The following HYCC2 variants were observed in gnomAD, a reference collection of about 807,000 sequenced individuals.
The protein encoded by HYCC2 is hyccin PI4KA lipid kinase complex subunit 2, also known as hyccin 2.
the HYCC2 span, among the ~76,000 whole-genome samples, chr2:201,007,912 T>C: frequency 6.6e-6 from 1 of 152,232 alleles, no homozygotes; most frequent in Non-Finnish European, 1.5e-5. Flanking sequence ...CTGTCATGCA[T>C]TGATGCCAGG....
At chr2:200,986,503 C>G in the HYCC2 span, among the ~76,000 whole-genome samples, 1 of 151,992 alleles carries the variant, frequency 6.6e-6, no homozygotes, top group Non-Finnish European at 1.5e-5. Context: ...AAAATTCCTA[C>G]GGCATTACAT....
the HYCC2 span, chr2:200,987,396 C>T: frequency 5.1e-5 from 66 of 1,289,710 alleles, no homozygotes; most frequent in South Asian, 6.0e-4. Flanking sequence ...AGTTGGGCTC[C>T]GGCGAGCCAT....
At chr2:201,045,518 A>G in the HYCC2 span, 1 of 398,238 alleles carries the variant, frequency 2.5e-6, no homozygotes, top group Non-Finnish European at 4.4e-6. Flanking sequence ...CAGTTTTCTA[A>G]AGGAGGAGGT....
the HYCC2 span, chr2:201,023,953 A>G: frequency 4.3e-6 from 7 of 1,609,690 alleles, no homozygotes; most frequent in South Asian, 4.4e-5. Context: ...CTCCAATCCA[A>G]TTTACCTTGA....
the HYCC2 span, chr2:200,980,506 A>G: frequency 1.3e-5 from 2 of 152,602 alleles, no homozygotes; most frequent in African/African-American, 2.4e-5. Flanking sequence ...AAATGACCTT[A>G]TATGTCCTTG....
At chr2:201,019,623 C>A in the HYCC2 span, among the ~76,000 whole-genome samples, 1 of 151,836 alleles carries the variant, frequency 6.6e-6, no homozygotes, top group Non-Finnish European at 1.5e-5. Context: ...TGTGGTGGCA[C>A]GCACCTGGGT....
the HYCC2 span, among the ~76,000 whole-genome samples, chr2:201,023,231 C>T: frequency 4.6e-5 from 7 of 152,112 alleles, no homozygotes; most frequent in East Asian, 1.4e-3. Context: ...TGCCTGTAAT[C>T]CCAGCTACTC....
chr2:201,023,845 A>G, the HYCC2 span: 2 of 756,574 alleles, frequency 2.6e-6, no homozygotes, highest in South Asian at 4.0e-5. Flanking sequence ...ACTTCCTACC[A>G]TATTTTTATG....
the HYCC2 span, among the ~76,000 whole-genome samples, chr2:201,068,946 G>A: frequency 3.3e-5 from 5 of 152,004 alleles, no homozygotes; most frequent in Admixed American, 6.5e-5. Flanking sequence ...AGCCACAGAC[G>A]ATGACAGACA....
the HYCC2 span, among the ~76,000 whole-genome samples, chr2:201,007,048 C>A: frequency 6.6e-6 from 1 of 152,104 alleles, no homozygotes. Flanking sequence ...CTATCTGTAA[C>A]CTACACTGGC....
At chr2:201,065,711 A>G in the HYCC2 span, among the ~76,000 whole-genome samples, 4 of 152,244 alleles carry the variant, frequency 2.6e-5, no homozygotes, top group African/African-American at 9.6e-5. Flanking sequence ...CAGCTCCAGC[A>G]GGTTAGAAAG....
the HYCC2 span, chr2:201,023,868 G>A: frequency 5.3e-6 from 5 of 946,980 alleles, no homozygotes; most frequent in Middle Eastern, 6.9e-4. Context: ...TCTCCATAGA[G>A]CACATAATGT....
the HYCC2 span, among the ~76,000 whole-genome samples, chr2:201,033,925 T>C: frequency 4.3e-4 from 66 of 151,730 alleles, no homozygotes; most frequent in East Asian, 0.013. Flanking sequence ...GGGTCCAGAA[T>C]ATTTATTTTG....
chr2:201,008,632 T>C, the HYCC2 span, among the ~76,000 whole-genome samples: 1 of 148,376 alleles, frequency 6.7e-6, no homozygotes, highest in African/African-American at 2.6e-5. Context: ...CAGTGGCTCA[T>C]GCCTATAATC....
At chr2:201,037,419 A>G in the HYCC2 span, among the ~76,000 whole-genome samples, 2 of 152,228 alleles carry the variant, frequency 1.3e-5, no homozygotes, top group African/African-American at 4.8e-5. Context: ...ACCAAAAAAG[A>G]GCCCGCATTG....
chr2:201,006,452 GAATA>G, the HYCC2 span, among the ~76,000 whole-genome samples: 1 of 151,870 alleles, frequency 6.6e-6, no homozygotes, highest in South Asian at 2.1e-4. Context: ...TTTTTTAAAT[GAATA>G]AATGAGTTTT....
chr2:201,019,779 C>A, the HYCC2 span, among the ~76,000 whole-genome samples: 17 of 151,442 alleles, frequency 1.1e-4, no homozygotes, highest in Admixed American at 2.0e-4. Context: ...GAAAAATTGC[C>A]AATGCTATGT....
the HYCC2 span, chr2:201,017,242 G>A: frequency 1.9e-6 from 2 of 1,059,458 alleles, no homozygotes; most frequent in Admixed American, 5.4e-5. Context: ...TTTTTTTAAG[G>A]CACCTATATC....
chr2:200,997,534 T>C, the HYCC2 span: 2 of 1,608,770 alleles, frequency 1.2e-6, no homozygotes, highest in Non-Finnish European at 1.7e-6. Flanking sequence ...AACTCAGGAC[T>C]TCAAACCTAA....
Sources: allele counts gnomAD v4.1 joint callset (sites outside exome capture counted in the v4.1 genomes callset), GRCh38; gene constraint gnomAD v4.1.1; transcripts MANE v1.5; gene names NCBI Gene and HGNC (gene_info 2026-07-23, HGNC 2026-07-21).